Variants in OASL observed in about 807,000 individuals in gnomAD.
OASL encodes 2'-5'-oligoadenylate synthase-like protein.
Under a neutral mutation model 35.3 loss-of-function variants are expected in OASL, and 28 were observed. The ratio of observed to expected loss-of-function variants is 0.79; its 90% CI spans 0.59 to 1.09. OASL has a LOEUF of 1.09. OASL is among the 50% of genes least tolerant of loss of function. The probability of loss-of-function intolerance (pLI) is 0.00; values close to 1 mark genes in which losing one functional copy is unlikely to be tolerated. For missense variants in OASL, 620 were observed against 635.2 expected, an observed-to-expected ratio of 0.98 and a Z score of 0.26; for synonymous variants, 252 against 254.6, an observed-to-expected ratio of 0.99 and a Z score of 0.10.
intron 5 of OASL, among the ~76,000 whole-genome samples, chr12:121,023,261 G>A (rs1869319079): frequency 6.7e-6 from 1 of 150,336 alleles, no homozygotes; most frequent in Non-Finnish European, 1.5e-5. Context: ...AGTTCTCTGA[G>A]AGTGAGGGTG....
rs1210570276 is a variant in OASL, at chr12:121,021,062, G to T, written c.1048-4C>A. Reference sequence around the variant, plus strand: ...TCAAGTGGATGTCTCGTGCCCTCTGGAAGGGAGAGGGAGAAGGAGAGGTGT... The same window carrying T: ...TCAAGTGGATGTCTCGTGCCCTCTGTAAGGGAGAGGGAGAAGGAGAGGTGT... On this transcript the variant is annotated splice_polypyrimidine_tract_variant and splice_region_variant and intron_variant, in intron 5 of 5. Transcript: ENST00000257570. 1.3e-6 allele frequency: 2 copies of T among 1,561,964 alleles called. No homozygotes were observed. The highest frequency in any genetic ancestry group is 1.4e-5 in the African/African-American group (1 of 73,184).
chr12:121,029,614 G>C (rs1223846732), intron 3 of OASL, among the ~76,000 whole-genome samples: 1 of 152,044 alleles, frequency 6.6e-6, no homozygotes, highest in Non-Finnish European at 1.5e-5. Flanking sequence ...CATGAACCCG[G>C]GAGGCGGAGC....
chr12:121,038,649 G>A, intron 1 of OASL, 125 bp downstream of exon 1: 1 of 827,996 alleles, frequency 1.2e-6, no homozygotes, highest in Non-Finnish European at 2.0e-6. Flanking sequence ...GGTGGGATGG[G>A]GTATTCTGAG....
At chr12:121,018,898 G>A (rs1361733269), downstream of OASL, among the ~76,000 whole-genome samples, 6 of 143,670 alleles carry the variant, frequency 4.2e-5, no homozygotes, top group African/African-American at 1.0e-4. Flanking sequence ...AAAAAGAAGC[G>A]ATCCTAGAGA....
intron 2 of OASL, among the ~76,000 whole-genome samples, chr12:121,032,209 T>A (rs1171326554): frequency 6.6e-6 from 1 of 151,724 alleles, no homozygotes; most frequent in Non-Finnish European, 1.5e-5. Flanking sequence ...TATATATATA[T>A]ATAAACTCAT....
At chr12:121,031,477 T>G (rs1181711482) in exon 3 of OASL, 1 of 1,613,932 alleles carries the variant, frequency 6.2e-7, no homozygotes. Flanking sequence ...CGCAGGAGGC[T>G]CTTCAGCTTA....
At chr12:121,034,405 G>A (rs947976759) in intron 1 of OASL, among the ~76,000 whole-genome samples, 1 of 152,058 alleles carries the variant, frequency 6.6e-6, no homozygotes, top group Non-Finnish European at 1.5e-5. Context: ...GGACTCAAGC[G>A]ATTTGCCCCC....
rs563926021 is a variant in OASL, at chr12:121,034,029, A to G, written c.199-286T>C. Among the ~76,000 whole-genome samples the G allele has an allele frequency of 1.7e-3, 260 of 152,278 alleles. 1 individual carries two copies. Among genetic ancestry groups the G allele is most frequent in the African/African-American group, 6.1e-3 (252 of 41,550 alleles). On this transcript the variant is annotated intron_variant, in intron 1 of 5. Transcript: ENST00000257570. Reference sequence around the variant, plus strand: ...AGACCTTCATCTCTAAAATGAAAGCAATGGCAGAATATGAGTCACTGGGCT... The same window carrying G: ...AGACCTTCATCTCTAAAATGAAAGCGATGGCAGAATATGAGTCACTGGGCT...
intron 1 of OASL, among the ~76,000 whole-genome samples, chr12:121,037,170 TAA>T: frequency 6.6e-6 from 1 of 152,178 alleles, no homozygotes; most frequent in Non-Finnish European, 1.5e-5. Flanking sequence ...TCAGGGGTCC[TAA>T]TTCTAGTCTT....
chr12:121,021,831 A>C (rs1297556233), intron 5 of OASL, among the ~76,000 whole-genome samples: 1 of 152,188 alleles, frequency 6.6e-6, no homozygotes, highest in Non-Finnish European at 1.5e-5. Flanking sequence ...CAAAAAAAGA[A>C]AAAGAAAAAG....
At chr12:121,038,753 G>C (rs778395358) in intron 1 of OASL, 21 bp downstream of exon 1, 1 of 1,612,296 alleles carries the variant, frequency 6.2e-7, no homozygotes, top group South Asian at 1.1e-5. Flanking sequence ...TTGCGTGGGG[G>C]CTGGAGGAGC....
chr12:121,035,159 C>T (rs1422820311), intron 1 of OASL, among the ~76,000 whole-genome samples: 1 of 151,974 alleles, frequency 6.6e-6, no homozygotes, highest in Non-Finnish European at 1.5e-5. Context: ...GACATGAGCA[C>T]GGATGCTGGA....
chr12:121,031,153 C>CA (rs1040766021), intron 3 of OASL, among the ~76,000 whole-genome samples: 8 of 149,348 alleles, frequency 5.4e-5, no homozygotes, highest in East Asian at 3.9e-4. Context: ...GATCCTGTCT[C>CA]AAAAAAAAAT....
At chr12:121,025,385 T>C (rs1000201669) in intron 4 of OASL, among the ~76,000 whole-genome samples, 1 of 152,176 alleles carries the variant, frequency 6.6e-6, no homozygotes, top group Non-Finnish European at 1.5e-5. Flanking sequence ...TCTATAAATA[T>C]TGAATAAATA....
At chr12:121,038,166 C>T (rs1364956079) in intron 1 of OASL, among the ~76,000 whole-genome samples, 1 of 152,040 alleles carries the variant, frequency 6.6e-6, no homozygotes, top group African/African-American at 2.4e-5. Context: ...ACTCATATAC[C>T]CAACTAGTTG....
intron 2 of OASL, 104 bp from the exon 3 acceptor site, chr12:121,031,721 C>G: frequency 2.2e-6 from 2 of 924,456 alleles, no homozygotes; most frequent in Non-Finnish European, 3.4e-6. Flanking sequence ...AGTATCCCTC[C>G]AGGGACACTT....
intron 1 of OASL, among the ~76,000 whole-genome samples, chr12:121,037,618 A>T (rs1870004958): frequency 6.6e-6 from 1 of 151,682 alleles, no homozygotes; most frequent in Non-Finnish European, 1.5e-5. Flanking sequence ...ACTAAAATAC[A>T]AAAAATTAGC....
downstream of OASL, among the ~76,000 whole-genome samples, chr12:121,018,664 C>A (rs1188803714): frequency 1.3e-4 from 20 of 151,424 alleles, no homozygotes; most frequent in Admixed American, 1.3e-3. Context: ...GTCAGGAGTT[C>A]GAGACTAGCC....
chr12:121,031,588 G>A (rs372469551), exon 3 of OASL: 8 of 1,613,566 alleles, frequency 5.0e-6, no homozygotes, highest in East Asian at 4.5e-5. Flanking sequence ...TAGACCTCAG[G>A]GGGTGGCTGG....
Sources: gnomAD v4.1 joint callset for allele counts (sites outside exome capture counted in the v4.1 genomes callset) on GRCh38, gnomAD v4.1.1 for gene constraint, MANE v1.5 for transcripts, NCBI Gene and HGNC (gene_info 2026-07-23, HGNC 2026-07-21) for gene names.